Variants in RALY observed in about 807,000 individuals in gnomAD.
RALY encodes the protein RNA-binding protein Raly.
A neutral mutation model predicts 30.7 loss-of-function variants in RALY; 15 were observed. That is an observed-to-expected ratio of 0.49 (90% confidence interval 0.33 to 0.75). RALY has a LOEUF of 0.75. Ranked by LOEUF, RALY falls within the 30% of genes least tolerant of loss-of-function variation. The pLI is 0.02. For synonymous variants in RALY, 177 were observed against 170.8 expected (o/e 1.04, Z -0.28); for missense variants, 339 against 414.3 (o/e 0.82, Z 1.58).
At chr20:34,061,132 T>C (rs2033403723) in intron 2 of RALY, among the ~76,000 whole-genome samples, 2 of 151,766 alleles carry the variant, frequency 1.3e-5, no homozygotes, top group South Asian at 2.1e-4. Flanking sequence ...GGAGAGAGGG[T>C]CTGGAATACC....
chr20:34,076,667 C>G lies in RALY; in HGVS notation c.545-35C>G, dbSNP rs1422767178. ...TGTGCTAGTGTCAAGCCTCCAGCCC[C>G]CTAGGTGACAGCCCTGTCCCCCCTC... On this transcript the variant is annotated intron_variant, in intron 6 of 9. Coordinates refer to ENST00000246194, the MANE Select transcript of RALY (RefSeq NM_016732.3). 2.5e-6 allele frequency: 4 copies of G among 1,576,930 alleles called. No homozygotes were observed. In the South Asian group the frequency reaches 4.4e-5, roughly 18 times the overall value.
intron 2 of RALY, among the ~76,000 whole-genome samples, chr20:34,071,307 TAGAC>T (rs1486745557): frequency 1.3e-5 from 2 of 151,776 alleles, no homozygotes; most frequent in Non-Finnish European, 2.9e-5. Context: ...TTTTTTTTTT[TAGAC>T]AGAGTCTGGC....
In RALY at chr20:34,075,766, G is replaced by A. The variant is rs1246536604; in HGVS notation, c.378-108G>A. 11 of 1,266,738 alleles carry A rather than the reference G, an allele frequency of 8.7e-6. No individual in the cohort carries two copies. In the East Asian group the frequency reaches 1.5e-4, roughly 18 times the overall value. The allele number at this position is 1,266,738 out of a possible 1,614,324, so 78.5% of individuals were successfully genotyped here. On this transcript the variant is annotated intron_variant, in intron 5 of 9. Transcript: ENST00000246194. ...CTAGGAGCCAGCAGAGGTGTGTAGTGCAGGCCTCCCAGCCCCTCACCAGCC... is the reference window on the plus strand; with the variant it reads ...CTAGGAGCCAGCAGAGGTGTGTAGTACAGGCCTCCCAGCCCCTCACCAGCC...
intron 1 of RALY, among the ~76,000 whole-genome samples, chr20:34,006,789 T>C (rs2031178150): frequency 6.6e-6 from 1 of 152,244 alleles, no homozygotes; most frequent in Non-Finnish European, 1.5e-5. Flanking sequence ...TGTAGTAGGC[T>C]ATACCACCCA....
chr20:34,072,764 G>C (rs1259209834), intron 3 of RALY, among the ~76,000 whole-genome samples: 1 of 152,180 alleles, frequency 6.6e-6, no homozygotes, highest in Non-Finnish European at 1.5e-5. Context: ...CTATGCTAGT[G>C]GTCTCTCTTG....
intron 6 of RALY, chr20:34,076,331 C>A: frequency 1.9e-6 from 1 of 514,220 alleles, no homozygotes; most frequent in East Asian, 3.4e-5. Context: ...CCCATTACTC[C>A]ACATTCACTC....
Position 34,007,641 on chromosome 20 carries a change from G to T in RALY, c.-93+13510G>T, listed in dbSNP as rs147261242. The stretch of plus-strand genomic sequence containing the variant: ...TCGAGACCAGCCTGACCAATATGGT[G>T]AAACCCCATCTCTACTAAAATACAA... On this transcript the variant is annotated intron_variant, in intron 1 of 9. Coordinates refer to ENST00000246194, the MANE Select transcript of RALY (RefSeq NM_016732.3). Among the ~76,000 whole-genome samples, 147 of 151,458 alleles carry T rather than the reference G, an allele frequency of 9.7e-4. 1 individual carries two copies. The highest frequency in any genetic ancestry group is 3.5e-3 in the African/African-American group (145 of 41,228).
At chr20:34,079,489 G>A (rs773429379) in intron 9 of RALY, among the ~76,000 whole-genome samples, 24 of 152,178 alleles carry the variant, frequency 1.6e-4, no homozygotes, top group Non-Finnish European at 2.9e-4. Context: ...GGAGGTGTCT[G>A]GATAGATGAC....
At chr20:34,076,608 T>C (rs1481222637) in intron 6 of RALY, 94 bp from the exon 7 acceptor site, 1 of 1,118,080 alleles carries the variant, frequency 8.9e-7, no homozygotes, top group Non-Finnish European at 1.3e-6. Context: ...AAAAAATAAC[T>C]GCTTTCCTGG....
chr20:34,024,988 C>A (rs1420231527), intron 1 of RALY, among the ~76,000 whole-genome samples: 1 of 152,182 alleles, frequency 6.6e-6, no homozygotes, highest in African/African-American at 2.4e-5. Flanking sequence ...GGAGCTGGAA[C>A]CCAACTGTCA....
At chr20:34,048,853 CAAAAAAA>C (rs58117454) in intron 2 of RALY, among the ~76,000 whole-genome samples, 2 of 105,610 alleles carry the variant, frequency 1.9e-5, no homozygotes, top group Non-Finnish European at 3.7e-5. Flanking sequence ...GACTCCGTCT[CAAAAAAA>C]AAAAAAAAAA....
chr20:34,061,265 T>C (rs566247678), intron 2 of RALY, among the ~76,000 whole-genome samples: 2 of 152,234 alleles, frequency 1.3e-5, no homozygotes, highest in South Asian at 2.1e-4. Context: ...AAAGCACCAT[T>C]AGAAGTGTTT....
At chr20:34,020,564 A>T (rs8119512) in intron 1 of RALY, among the ~76,000 whole-genome samples, 14,879 of 152,148 alleles carry the variant, frequency 0.098, 2,427 homozygotes, top group African/African-American at 0.34. Flanking sequence ...TCAACAGGTG[A>T]TTGGAGACAG....
At chr20:34,008,733 A>G (rs553967255) in intron 1 of RALY, among the ~76,000 whole-genome samples, 1 of 152,220 alleles carries the variant, frequency 6.6e-6, no homozygotes, top group East Asian at 1.9e-4. Context: ...ATCATAGCTC[A>G]CTGCAGCCTC....
At chr20:34,073,705 G>C in intron 4 of RALY, 70 bp downstream of exon 4, 5 of 1,540,840 alleles carry the variant, frequency 3.2e-6, no homozygotes, top group Non-Finnish European at 4.5e-6. Flanking sequence ...GTAAATGCTG[G>C]TGTGACAGTG....
chr20:34,034,408 C>G (rs1052663309), intron 2 of RALY, among the ~76,000 whole-genome samples: 11 of 152,284 alleles, frequency 7.2e-5, no homozygotes, highest in African/African-American at 2.6e-4. Flanking sequence ...TTCTTTTTGC[C>G]TTGTTAATCT....
intron 1 of RALY, among the ~76,000 whole-genome samples, chr20:34,030,563 C>T (rs2032229234): frequency 6.6e-6 from 1 of 152,194 alleles, no homozygotes; most frequent in African/African-American, 2.4e-5. Context: ...TCCAGGTGAT[C>T]TAAGCCTGGA....
At chr20:34,046,623 A>G (rs1269833030) in intron 2 of RALY, among the ~76,000 whole-genome samples, 3 of 152,200 alleles carry the variant, frequency 2.0e-5, no homozygotes, top group South Asian at 4.1e-4. Context: ...TTACCACTGC[A>G]AGTGATTCCA....
Position 34,077,071 on chromosome 20 carries a change from C to CGGTGGT in RALY, c.708_713dup (p.Gly237_Gly238dup). 6.3e-7 allele frequency: 1 copy of CGGTGGT among 1,597,694 alleles called. No homozygotes were observed. Among genetic ancestry groups the CGGTGGT allele is most frequent in the African/African-American group, 1.3e-5 (1 of 74,648 alleles). ...ATGGAGGTGGCGCCGGCGGCGGCGG[C>CGGTGGT]GGTGGTGGTGGCAGCGGTGGCGGTG... On this transcript the variant is annotated inframe_insertion, in exon 8 of 10. Transcript: ENST00000246194.
Sources: allele counts gnomAD v4.1 joint callset (sites outside exome capture counted in the v4.1 genomes callset), GRCh38; gene constraint gnomAD v4.1.1; transcripts MANE v1.5; gene names NCBI Gene and HGNC (gene_info 2026-07-23, HGNC 2026-07-21).